Variants in RPH3A observed in about 807,000 individuals in gnomAD.
The protein encoded by RPH3A is rabphilin-3A.
Under a neutral mutation model 102.2 loss-of-function variants are expected in RPH3A, and 48 were observed. That is an observed-to-expected ratio of 0.47 (90% CI 0.37 to 0.60). The LOEUF (loss-of-function observed/expected upper bound fraction) is 0.60, where lower values mean the gene tolerates loss of function less well. RPH3A is among the 20% of genes least tolerant of loss of function. RPH3A has a pLI of 0.00. For missense variants in RPH3A, 781 were observed against 910.1 expected, an observed-to-expected ratio of 0.86 and a Z score of 1.83; for synonymous variants, 310 against 324.3, an observed-to-expected ratio of 0.96 and a Z score of 0.47.
At chr12:112,698,494 C>T (rs868186566) in intron 1 of RPH3A, among the ~76,000 whole-genome samples, 1 of 152,082 alleles carries the variant, frequency 6.6e-6, no homozygotes, top group Non-Finnish European at 1.5e-5. Flanking sequence ...TTGTAAAACA[C>T]ATAGCTGATA....
chr12:112,873,877 C>T (rs2042748036), intron 10 of RPH3A: 1 of 152,188 alleles, frequency 6.6e-6, no homozygotes, highest in African/African-American at 2.4e-5. Context: ...GCTGTGCACT[C>T]CTGGAGGATA....
At chr12:112,642,900 C>T (rs568448054) in intron 1 of RPH3A, among the ~76,000 whole-genome samples, 2 of 152,256 alleles carry the variant, frequency 1.3e-5, no homozygotes, top group East Asian at 3.9e-4. Flanking sequence ...AAGGCAAGGT[C>T]TGGAGATACT....
intron 1 of RPH3A, among the ~76,000 whole-genome samples, chr12:112,739,950 C>G (rs916925903): frequency 2.0e-5 from 3 of 152,266 alleles, no homozygotes; most frequent in South Asian, 2.1e-4. Flanking sequence ...TCATCCCCCC[C>G]CAGCCTTGGG....
chr12:112,860,880 T>C (rs1392105072), intron 5 of RPH3A, among the ~76,000 whole-genome samples: 2 of 152,180 alleles, frequency 1.3e-5, no homozygotes, highest in Non-Finnish European at 2.9e-5. Flanking sequence ...AATGTCCCCA[T>C]GCAACTGCCA....
Position 112,783,919 on chromosome 12 carries a change from A to G in RPH3A, c.-139-8224A>G, listed in dbSNP as rs550551353. ...GTTTTGACAGTTATATGTCCACAGC[A>G]GAGATGAGGAATCTGATTTATTCAT... On this transcript the variant is annotated intron_variant, in intron 1 of 21. Transcript: ENST00000543106. Among the ~76,000 whole-genome samples, 17 of 152,350 alleles carry G rather than the reference A, an allele frequency of 1.1e-4. No individual in the cohort carries two copies. In the South Asian group the frequency reaches 3.3e-3, roughly 30 times the overall value.
At chr12:112,808,369 G>C (rs901063305) in intron 2 of RPH3A, among the ~76,000 whole-genome samples, 2 of 152,196 alleles carry the variant, frequency 1.3e-5, no homozygotes, top group Non-Finnish European at 2.9e-5. Flanking sequence ...CTGGTGGAGC[G>C]GCAGGCTTAT....
chr12:112,688,733 T>C (rs571966329), intron 1 of RPH3A, among the ~76,000 whole-genome samples: 22 of 152,342 alleles, frequency 1.4e-4, no homozygotes, highest in Non-Finnish European at 2.4e-4. Context: ...TCCCATTTGA[T>C]TAATGAAGAA....
At chr12:112,629,718 C>T (rs1018245320) in intron 1 of RPH3A, among the ~76,000 whole-genome samples, 15 of 151,882 alleles carry the variant, frequency 9.9e-5, no homozygotes, top group African/African-American at 3.1e-4. Flanking sequence ...CTCAAGAGAT[C>T]CTCCCACCTG....
chr12:112,807,684 C>T (rs1167750140), intron 2 of RPH3A, among the ~76,000 whole-genome samples: 2 of 151,708 alleles, frequency 1.3e-5, no homozygotes, highest in African/African-American at 4.8e-5. Context: ...AAACATTAGT[C>T]ACTCTTATTT....
chr12:112,668,510 G>A (rs1272079855), intron 1 of RPH3A, among the ~76,000 whole-genome samples: 1 of 152,068 alleles, frequency 6.6e-6, no homozygotes, highest in African/African-American at 2.4e-5. Flanking sequence ...TCCTTTGCAG[G>A]GACATGGATG....
intron 1 of RPH3A, among the ~76,000 whole-genome samples, chr12:112,672,713 T>A (rs1336981781): frequency 1.3e-5 from 2 of 152,176 alleles, no homozygotes; most frequent in African/African-American, 2.4e-5. Flanking sequence ...ACATAGTTAA[T>A]GTCCCTGGAA....
intron 1 of RPH3A, among the ~76,000 whole-genome samples, chr12:112,588,899 G>A (rs1052579025): frequency 6.6e-6 from 1 of 152,162 alleles, no homozygotes; most frequent in African/African-American, 2.4e-5. Context: ...TAAAGGGGCT[G>A]TAATTCAGCT....
intron 1 of RPH3A, among the ~76,000 whole-genome samples, chr12:112,611,525 G>A (rs746558756): frequency 3.3e-5 from 5 of 151,896 alleles, no homozygotes; most frequent in Non-Finnish European, 7.4e-5. Context: ...TGCAACCTCC[G>A]CCTCCCGGGT....
At chr12:112,896,412 A>G (rs571544657) in intron 21 of RPH3A, among the ~76,000 whole-genome samples, 1 of 152,312 alleles carries the variant, frequency 6.6e-6, no homozygotes, top group East Asian at 1.9e-4. Context: ...CTTTAAAAAT[A>G]GACAGTGAAA....
chr12:112,658,174 T>TTTTA (rs1306912868), intron 1 of RPH3A, among the ~76,000 whole-genome samples: 1 of 152,002 alleles, frequency 6.6e-6, no homozygotes, highest in Non-Finnish European at 1.5e-5. Context: ...GTATTTTTTA[T>TTTTA]TTTATTTATT....
At chr12:112,891,320 A>T (rs1029988882) in intron 19 of RPH3A, 2 of 276,628 alleles carry the variant, frequency 7.2e-6, no homozygotes, top group African/African-American at 4.4e-5. Context: ...TTGGCCGCAC[A>T]CCCCTCGGAC....
chr12:112,595,619 A>AC lies in RPH3A; in HGVS notation c.-140+20306dup, dbSNP rs2039511020. Among the ~76,000 whole-genome samples the AC allele has an allele frequency of 7.3e-5, 11 of 150,584 alleles. No homozygotes were observed. In the South Asian group the frequency reaches 2.1e-3, roughly 29 times the overall value. ...CCACGCAGGACCGTCATTCAACCCC[A>AC]CCCCCCTAACCACAATAAAAACCAA... On this transcript the variant is annotated intron_variant, in intron 1 of 21. Coordinates refer to the RPH3A transcript ENST00000543106.
intron 1 of RPH3A, among the ~76,000 whole-genome samples, chr12:112,597,763 A>G (rs1223792431): frequency 4.6e-5 from 7 of 152,258 alleles, no homozygotes. Context: ...CTCTGAAGAG[A>G]GACTGTTAAC....
chr12:112,579,610 A>G (rs2039382816), intron 1 of RPH3A, among the ~76,000 whole-genome samples: 1 of 152,362 alleles, frequency 6.6e-6, no homozygotes, highest in Admixed American at 6.5e-5. Context: ...TCATACAAGT[A>G]TATAGTTTAA....
Sources: allele counts gnomAD v4.1 joint callset (sites outside exome capture counted in the v4.1 genomes callset), GRCh38; gene constraint gnomAD v4.1.1; transcripts MANE v1.5; gene names NCBI Gene and HGNC (gene_info 2026-07-23, HGNC 2026-07-21).